The following CDH12 variants were observed in gnomAD, a reference collection of about 807,000 sequenced individuals.
The protein encoded by CDH12 is cadherin 12.
A neutral mutation model predicts 74.1 loss-of-function variants in CDH12; 41 were observed. The ratio of observed to expected loss-of-function variants is 0.55; its 90% CI spans 0.43 to 0.72. The LOEUF (loss-of-function observed/expected upper bound fraction) is 0.72, where lower values mean the gene tolerates loss of function less well. Among genes scored for constraint, CDH12 ranks in the 30% least tolerant of loss-of-function variants. The pLI is 0.00. For synonymous variants in CDH12, 399 were observed against 355.0 expected (o/e 1.12, Z -1.39); for missense variants, 945 against 977.2 (o/e 0.97, Z 0.44).
chr5:22,559,750 C>T (rs12520892), intron 1 of CDH12, among the ~76,000 whole-genome samples: 24,351 of 152,060 alleles, frequency 0.16, 2,543 homozygotes, highest in East Asian at 0.37. Flanking sequence ...GCAAGGCTAA[C>T]GGTTGTCACC....
rs538555362 is a variant in CDH12, at chr5:22,707,790, T to A, written c.-523+145268A>T. 1.1e-3 allele frequency among the ~76,000 whole-genome samples: 166 copies of A among 152,302 alleles called. 1 individual carries two copies. Among genetic ancestry groups the A allele is most frequent in the Middle Eastern group, 3.4e-3 (1 of 294 alleles). ...ATTTTACATTTTGTGCTACACATAT[T>A]TGATGCTAAAACTTTTTTTTTCTAA... On this transcript the variant is annotated intron_variant, in intron 1 of 14. Coordinates refer to ENST00000382254, the MANE Select transcript of CDH12 (RefSeq NM_004061.5).
intron 3 of CDH12, among the ~76,000 whole-genome samples, chr5:22,387,900 T>A (rs1028735475): frequency 1.1e-4 from 17 of 152,282 alleles, no homozygotes; most frequent in African/African-American, 4.1e-4. Context: ...TATCATGCTA[T>A]ATAGTTCAGA....
At chr5:21,945,505 G>T (rs1755539064) in intron 6 of CDH12, among the ~76,000 whole-genome samples, 1 of 135,184 alleles carries the variant, frequency 7.4e-6, no homozygotes, top group Non-Finnish European at 1.6e-5. Flanking sequence ...CATCATAAAA[G>T]TGTTTAAATA....
intron 1 of CDH12, among the ~76,000 whole-genome samples, chr5:22,589,466 T>G (rs2126796818): frequency 6.6e-6 from 1 of 152,362 alleles, no homozygotes. Flanking sequence ...CTATTCTTGC[T>G]TTCACTTCAC....
At chr5:21,834,094 A>G (rs970167177) in intron 8 of CDH12, among the ~76,000 whole-genome samples, 1 of 151,952 alleles carries the variant, frequency 6.6e-6, no homozygotes, top group South Asian at 2.1e-4. Flanking sequence ...CTCATGCCTA[A>G]AATTGTTATG....
chr5:21,764,932 A>G (rs368903344), intron 12 of CDH12, 46 bp downstream of exon 12: 177 of 1,596,638 alleles, frequency 1.1e-4, no homozygotes, highest in Non-Finnish European at 1.4e-4. Context: ...TAAAACATGC[A>G]TATGGTGGGT....
At chr5:22,355,721 C>G (rs537632036) in intron 3 of CDH12, among the ~76,000 whole-genome samples, 20 of 152,130 alleles carry the variant, frequency 1.3e-4, no homozygotes, top group Middle Eastern at 3.4e-3. Flanking sequence ...TCTTGACATT[C>G]TTGGCACCTC....
At chr5:22,405,753 A>G (rs1438152595) in intron 2 of CDH12, among the ~76,000 whole-genome samples, 1 of 152,200 alleles carries the variant, frequency 6.6e-6, no homozygotes, top group Non-Finnish European at 1.5e-5. Context: ...CCAGCACTGT[A>G]ATGACATTTC....
At chr5:22,333,741 C>T (rs534808722) in intron 3 of CDH12, among the ~76,000 whole-genome samples, 2 of 152,224 alleles carry the variant, frequency 1.3e-5, no homozygotes, top group South Asian at 4.1e-4. Context: ...TAACGATACA[C>T]TAGCAAACTG....
At chr5:22,153,190 T>G (rs1747727245) in intron 4 of CDH12, among the ~76,000 whole-genome samples, 1 of 151,134 alleles carries the variant, frequency 6.6e-6, no homozygotes, top group Non-Finnish European at 1.5e-5. Flanking sequence ...TTTCTTTTTT[T>G]TTTTTTTTAG....
intron 5 of CDH12, among the ~76,000 whole-genome samples, chr5:22,025,161 T>C (rs780014131): frequency 5.9e-5 from 9 of 152,146 alleles, no homozygotes; most frequent in Non-Finnish European, 1.0e-4. Flanking sequence ...TCTCAGAATA[T>C]AGAATTTACA....
intron 3 of CDH12, among the ~76,000 whole-genome samples, chr5:22,318,172 G>A (rs879345835): frequency 8.5e-5 from 13 of 152,140 alleles, no homozygotes; most frequent in Admixed American, 3.9e-4. Flanking sequence ...TTTAGAAAGC[G>A]GTCCTCATGT....
chr5:22,700,474 A>G (rs958557336), intron 1 of CDH12, among the ~76,000 whole-genome samples: 1 of 152,240 alleles, frequency 6.6e-6, no homozygotes, highest in African/African-American at 2.4e-5. Flanking sequence ...CCTCTTGCCA[A>G]TGATCACTCC....
intron 7 of CDH12, among the ~76,000 whole-genome samples, chr5:21,854,443 C>T (rs904046432): frequency 6.6e-6 from 1 of 151,806 alleles, no homozygotes; most frequent in Non-Finnish European, 1.5e-5. Flanking sequence ...GCTTACCTAA[C>T]AAATTTGAAC....
intron 3 of CDH12, among the ~76,000 whole-genome samples, chr5:22,362,613 T>G (rs928520918): frequency 6.6e-6 from 1 of 152,016 alleles, no homozygotes; most frequent in African/African-American, 2.4e-5. Context: ...ATCATGCTGC[T>G]ATAAAGACAC....
chr5:22,649,638 A>G (rs1235367655), intron 1 of CDH12, among the ~76,000 whole-genome samples: 1 of 152,168 alleles, frequency 6.6e-6, no homozygotes, highest in Middle Eastern at 3.4e-3. Context: ...GCTTTCTTAA[A>G]CAAACAAAAA....
chr5:22,464,927 G>A (rs1451006555), intron 2 of CDH12, among the ~76,000 whole-genome samples: 2 of 151,644 alleles, frequency 1.3e-5, no homozygotes, highest in South Asian at 2.1e-4. Context: ...GCTTGAACCC[G>A]GGAGGCGGAG....
chr5:21,820,191 C>T (rs1031352849), intron 8 of CDH12, among the ~76,000 whole-genome samples: 5 of 151,790 alleles, frequency 3.3e-5, no homozygotes, highest in African/African-American at 9.7e-5. Context: ...TGCTGAGATA[C>T]GAACTTTATG....
intron 1 of CDH12, among the ~76,000 whole-genome samples, chr5:22,596,306 T>C (rs192552519): frequency 0.14 from 21,104 of 151,372 alleles, 2,055 homozygotes; most frequent in East Asian, 0.33. Context: ...CTGGGTGTGG[T>C]GGCGGACAGC....
Sources: allele counts gnomAD v4.1 joint callset (sites outside exome capture counted in the v4.1 genomes callset), GRCh38; gene constraint gnomAD v4.1.1; transcripts MANE v1.5; gene names NCBI Gene and HGNC (gene_info 2026-07-23, HGNC 2026-07-21).